B4GALT5: variants seen among roughly 807,000 people sequenced by gnomAD.
B4GALT5 encodes beta-1,4-galactosyltransferase 5, also known as UDP-Gal:beta-GlcNAc beta-1,4-galactosyltransferase 5.
A neutral mutation model predicts 45.0 loss-of-function variants in B4GALT5; 11 were observed. The observed-to-expected ratio is 0.24, with a 90% CI of 0.15 to 0.40. The LOEUF (loss-of-function observed/expected upper bound fraction) is 0.40. Ranked by LOEUF, B4GALT5 falls within the 10% of genes least tolerant of loss-of-function variation. The pLI, the probability that B4GALT5 is intolerant of heterozygous loss-of-function variation, is 1.00. For missense variants in B4GALT5, 337 were observed against 500.2 expected, an observed-to-expected ratio of 0.67 and a Z score of 3.11; for synonymous variants, 185 against 182.9, an observed-to-expected ratio of 1.01 and a Z score of -0.09.
intron 1 of B4GALT5, among the ~76,000 whole-genome samples, chr20:49,657,546 CAT>C (rs1057023810): frequency 6.6e-6 from 1 of 152,202 alleles, no homozygotes; most frequent in Non-Finnish European, 1.5e-5. Context: ...GATTGTAAAA[CAT>C]AGTTTCTTAA....
At chr20:49,640,179 T>G (rs928174405) in intron 6 of B4GALT5, among the ~76,000 whole-genome samples, 2 of 152,248 alleles carry the variant, frequency 1.3e-5, no homozygotes, top group African/African-American at 4.8e-5. Context: ...TTATCTACTT[T>G]CTGTCACTAT....
At chr20:49,659,966 G>A (rs1601254757) in intron 1 of B4GALT5, among the ~76,000 whole-genome samples, 1 of 152,132 alleles carries the variant, frequency 6.6e-6, no homozygotes, top group Non-Finnish European at 1.5e-5. Context: ...TTTTCATAGA[G>A]ACGGGGTTTC....
At chr20:49,708,932 A>G (rs367656815) in intron 1 of B4GALT5, among the ~76,000 whole-genome samples, 5 of 5,864 alleles carry the variant, frequency 8.5e-4, no homozygotes, top group African/African-American at 8.2e-3. Flanking sequence ...ACTCCATCTC[A>G]AAAAAAAAAA....
At chr20:49,683,670 C>G (rs1455403347) in intron 1 of B4GALT5, among the ~76,000 whole-genome samples, 2 of 151,492 alleles carry the variant, frequency 1.3e-5, no homozygotes, top group Admixed American at 6.6e-5. Flanking sequence ...CTCGGCCTCC[C>G]GAATGCTGGG....
chr20:49,640,428 C>T (rs1369890369), intron 6 of B4GALT5, 50 bp downstream of exon 6: 8 of 1,475,170 alleles, frequency 5.4e-6, no homozygotes, highest in African/African-American at 1.4e-5. Flanking sequence ...TCACATCGCT[C>T]ACCATCCTTT....
chr20:49,643,698 T>G (rs780902442), intron 3 of B4GALT5, 48 bp from the exon 4 acceptor site: 37 of 1,586,362 alleles, frequency 2.3e-5, no homozygotes, highest in Non-Finnish European at 2.8e-5. Flanking sequence ...AAATGATAGG[T>G]TTCCCTATGC....
At chr20:49,651,588 CA>C (rs879724969) in intron 2 of B4GALT5, among the ~76,000 whole-genome samples, 113 of 134,782 alleles carry the variant, frequency 8.4e-4, no homozygotes, top group Middle Eastern at 3.8e-3. Flanking sequence ...GACTCCGTCT[CA>C]AAAAAAAAAA....
intron 5 of B4GALT5, among the ~76,000 whole-genome samples, chr20:49,641,996 A>G (rs566847321): frequency 5.9e-5 from 9 of 152,226 alleles, no homozygotes; most frequent in Admixed American, 5.2e-4. Context: ...TGTGACCTCT[A>G]TATCTGGTTC....
intron 2 of B4GALT5, among the ~76,000 whole-genome samples, chr20:49,654,933 C>T (rs1250424798): frequency 6.6e-6 from 1 of 151,962 alleles, no homozygotes; most frequent in African/African-American, 2.4e-5. Context: ...ATGGTGAAAG[C>T]CGTGTCTACA....
chr20:49,636,256 C>A lies in B4GALT5; in HGVS notation c.*56G>T. The A allele has an allele frequency of 6.3e-7, 1 of 1,594,490 alleles. No homozygotes were observed. The highest frequency in any genetic ancestry group is 2.2e-5 in the East Asian group (1 of 44,742). On this transcript the variant is annotated 3_prime_UTR_variant, in exon 9 of 9. Transcript: ENST00000371711. ...GACCCTCCCCCCTCCAAAAAAAAAT[C>A]TCATCGGACTGCTTTCTTGGTGGCG...
At chr20:49,701,108 T>C (rs148741983) in intron 1 of B4GALT5, among the ~76,000 whole-genome samples, 14 of 152,346 alleles carry the variant, frequency 9.2e-5, no homozygotes, top group African/African-American at 3.1e-4. Context: ...GTCTGCTTTG[T>C]TCATCACTGT....
intron 1 of B4GALT5, among the ~76,000 whole-genome samples, chr20:49,703,631 G>A (rs537083661): frequency 1.1e-4 from 16 of 151,906 alleles, no homozygotes; most frequent in Non-Finnish European, 2.2e-4. Flanking sequence ...GCTCAAGCCT[G>A]TAATCCCAGC....
chr20:49,667,207 C>A (rs963247320), intron 1 of B4GALT5, among the ~76,000 whole-genome samples: 2 of 151,414 alleles, frequency 1.3e-5, no homozygotes, highest in Non-Finnish European at 2.9e-5. Flanking sequence ...TGTTTGATTC[C>A]TTTTACTTGG....
At chr20:49,682,532 T>C (rs1430015979) in intron 1 of B4GALT5, among the ~76,000 whole-genome samples, 1 of 152,172 alleles carries the variant, frequency 6.6e-6, no homozygotes, top group Non-Finnish European at 1.5e-5. Flanking sequence ...AACCACTGTC[T>C]TGGCAGCGCT....
chr20:49,708,710 G>T (rs2085895116), intron 1 of B4GALT5, among the ~76,000 whole-genome samples: 1 of 152,130 alleles, frequency 6.6e-6, no homozygotes, highest in South Asian at 2.1e-4. Flanking sequence ...CACTATGGGA[G>T]GCCAAGGTGG....
chr20:49,636,511 T>A (rs1391632856), intron 8 of B4GALT5, 52 bp from the exon 9 acceptor site: 2 of 1,592,406 alleles, frequency 1.3e-6, no homozygotes, highest in African/African-American at 2.7e-5. Context: ...GATCCATGCC[T>A]CTGCAGCCAG....
intron 1 of B4GALT5, among the ~76,000 whole-genome samples, chr20:49,663,257 G>A (rs182471850): frequency 2.0e-4 from 30 of 152,200 alleles, no homozygotes; most frequent in Admixed American, 5.2e-4. Context: ...CTGGATGCTG[G>A]TTATTCAGAT....
chr20:49,706,516 C>G (rs1449271017), intron 1 of B4GALT5, among the ~76,000 whole-genome samples: 3 of 152,170 alleles, frequency 2.0e-5, no homozygotes, highest in African/African-American at 4.8e-5. Context: ...TAACTGATAA[C>G]ATGACACTCA....
At chr20:49,705,279 T>C (rs976441602) in intron 1 of B4GALT5, among the ~76,000 whole-genome samples, 8 of 152,020 alleles carry the variant, frequency 5.3e-5, no homozygotes, top group Non-Finnish European at 2.9e-5. Context: ...CAGATCAAAA[T>C]GTAAAAGGAT....
Sources: gnomAD v4.1 joint callset for allele counts (sites outside exome capture counted in the v4.1 genomes callset) on GRCh38, gnomAD v4.1.1 for gene constraint, MANE v1.5 for transcripts, NCBI Gene and HGNC (gene_info 2026-07-23, HGNC 2026-07-21) for gene names.